Variants in OXCT1 observed in about 807,000 individuals in gnomAD.
OXCT1 encodes the protein 3-oxoacid CoA-transferase 1.
Under a neutral mutation model 69.6 loss-of-function variants are expected in OXCT1, and 27 were observed. That is an observed-to-expected ratio of 0.39 (90% CI 0.29 to 0.54). The LOEUF is 0.54. Ranked by LOEUF, OXCT1 falls within the 20% of genes least tolerant of loss-of-function variation. The pLI, the probability that OXCT1 is intolerant of heterozygous loss-of-function variation, is 0.72. For synonymous variants in OXCT1, 202 were observed against 217.8 expected (o/e 0.93, Z 0.64); for missense variants, 437 against 650.2 (o/e 0.67, Z 3.57).
intron 7 of OXCT1, among the ~76,000 whole-genome samples, chr5:41,832,171 G>A (rs1198456554): frequency 6.6e-6 from 1 of 152,206 alleles, no homozygotes; most frequent in Non-Finnish European, 1.5e-5. Flanking sequence ...GAGCCCTAGG[G>A]CCTTGAGTTA....
chr5:41,759,288 G>C (rs1020194456), intron 14 of OXCT1, among the ~76,000 whole-genome samples: 1 of 152,014 alleles, frequency 6.6e-6, no homozygotes, highest in Admixed American at 6.6e-5. Flanking sequence ...GAGGATCAAT[G>C]AGATTAAGCA....
At chr5:41,832,766 A>G (rs1457865667) in intron 7 of OXCT1, among the ~76,000 whole-genome samples, 1 of 152,192 alleles carries the variant, frequency 6.6e-6, no homozygotes, top group Non-Finnish European at 1.5e-5. Context: ...AATCCAAGAT[A>G]ACAAAGAAGG....
intron 7 of OXCT1, among the ~76,000 whole-genome samples, chr5:41,818,866 A>C (rs572266853): frequency 6.6e-6 from 1 of 152,150 alleles, no homozygotes; most frequent in East Asian, 1.9e-4. Flanking sequence ...CATGACTTTA[A>C]GATGCCTTCT....
intron 13 of OXCT1, among the ~76,000 whole-genome samples, chr5:41,786,043 G>C (rs1745624941): frequency 6.6e-6 from 1 of 152,180 alleles, no homozygotes; most frequent in South Asian, 2.1e-4. Context: ...CCATGTGAGA[G>C]AGGAACAACC....
intron 1 of OXCT1, among the ~76,000 whole-genome samples, chr5:41,865,803 T>C (rs1749936036): frequency 6.6e-6 from 1 of 152,236 alleles, no homozygotes; most frequent in Non-Finnish European, 1.5e-5. Flanking sequence ...AATGATGTTA[T>C]ATACAGAAGC....
At chr5:41,765,714 T>C (rs1744566845) in intron 13 of OXCT1, among the ~76,000 whole-genome samples, 1 of 152,170 alleles carries the variant, frequency 6.6e-6, no homozygotes, top group Admixed American at 6.5e-5. Flanking sequence ...TCTATCCAGA[T>C]GTCCAACACA....
At chr5:41,746,723 C>G (rs1743510695) in intron 15 of OXCT1, among the ~76,000 whole-genome samples, 1 of 152,036 alleles carries the variant, frequency 6.6e-6, no homozygotes, top group Non-Finnish European at 1.5e-5. Flanking sequence ...ATTGCAATAT[C>G]TGACTGGGTA....
At position 41,762,634 on chromosome 5, in the gene OXCT1, A is replaced by G. The variant is rs1329321559; in HGVS notation, c.1249-434T>C. Reference sequence around the variant, plus strand: ...TACTCTTGGATTTCCTGCAGATTAAAATTCCATTATGTAGTAGTAGGCTGA... The same window carrying G: ...TACTCTTGGATTTCCTGCAGATTAAGATTCCATTATGTAGTAGTAGGCTGA... On this transcript the variant is annotated intron_variant, in intron 13 of 16. Coordinates refer to ENST00000196371, the MANE Select transcript of OXCT1 (RefSeq NM_000436.4). This position sits in a 1 kb window ranked among gnomAD's most constrained non-coding sequence, Gnocchi z 4.0. Among the ~76,000 whole-genome samples the G allele has an allele frequency of 1.3e-5, 2 of 152,110 alleles. No homozygotes were observed. The highest frequency in any genetic ancestry group is 4.8e-5 in the African/African-American group (2 of 41,422).
At chr5:41,828,300 G>C (rs1347134110) in intron 7 of OXCT1, among the ~76,000 whole-genome samples, 7 of 150,840 alleles carry the variant, frequency 4.6e-5, no homozygotes, top group Non-Finnish European at 1.0e-4. Context: ...ATTTTTAGTA[G>C]AGATGGGGTT....
chr5:41,769,385 C>G (rs950433205), intron 13 of OXCT1, among the ~76,000 whole-genome samples: 1 of 152,080 alleles, frequency 6.6e-6, no homozygotes, highest in Non-Finnish European at 1.5e-5. Context: ...TTTCTCACAT[C>G]TGTTCTGATT....
At chr5:41,790,975 TAAGTAATAG>T (rs1745888789) in intron 13 of OXCT1, among the ~76,000 whole-genome samples, 1 of 152,220 alleles carries the variant, frequency 6.6e-6, no homozygotes, top group African/African-American at 2.4e-5. Context: ...TCTTTAATTT[TAAGTAATAG>T]AGCATTACTT....
chr5:41,826,336 G>C (rs575658992), intron 7 of OXCT1, among the ~76,000 whole-genome samples: 1 of 152,262 alleles, frequency 6.6e-6, no homozygotes, highest in African/African-American at 2.4e-5. Context: ...ACAGGGAAAG[G>C]TTACAGAGGA....
chr5:41,792,159 T>G (rs1297648109), intron 13 of OXCT1, among the ~76,000 whole-genome samples: 2 of 152,242 alleles, frequency 1.3e-5, no homozygotes, highest in African/African-American at 2.4e-5. Context: ...TCAAGCTCTG[T>G]GCTATGTACT....
intron 13 of OXCT1, among the ~76,000 whole-genome samples, chr5:41,779,098 C>A (rs1398344554): frequency 6.6e-6 from 1 of 152,142 alleles, no homozygotes; most frequent in South Asian, 2.1e-4. Flanking sequence ...AGGTCTTATA[C>A]GTGTTAGAAG....
intron 7 of OXCT1, among the ~76,000 whole-genome samples, chr5:41,812,868 C>T (rs952036190): frequency 1.3e-5 from 2 of 152,050 alleles, no homozygotes; most frequent in South Asian, 4.2e-4. Flanking sequence ...CCTGAAGATA[C>T]GATCACAGAA....
intron 3 of OXCT1, among the ~76,000 whole-genome samples, chr5:41,854,741 C>A (rs1310965191): frequency 3.3e-5 from 5 of 151,876 alleles, no homozygotes; most frequent in African/African-American, 1.2e-4. Flanking sequence ...TGATGAGACA[C>A]CACCACAAAC....
At chr5:41,819,381 G>C (rs187195856) in intron 7 of OXCT1, among the ~76,000 whole-genome samples, 2 of 151,700 alleles carry the variant, frequency 1.3e-5, no homozygotes, top group South Asian at 2.1e-4. Context: ...GGGGGATTGG[G>C]GGGGCAGGGG....
chr5:41,742,050 T>C (rs1743195151), intron 15 of OXCT1, among the ~76,000 whole-genome samples: 1 of 152,188 alleles, frequency 6.6e-6, no homozygotes, highest in Non-Finnish European at 1.5e-5. Flanking sequence ...TGGATTAAGT[T>C]ATTAAGAACA....
At chr5:41,857,923 C>T (rs1749507089) in intron 3 of OXCT1, among the ~76,000 whole-genome samples, 1 of 152,146 alleles carries the variant, frequency 6.6e-6, no homozygotes, top group Non-Finnish European at 1.5e-5. Flanking sequence ...ATCTGAAACT[C>T]CTACAGGCCC....
Sources: allele counts gnomAD v4.1 joint callset (sites outside exome capture counted in the v4.1 genomes callset), GRCh38; gene constraint gnomAD v4.1.1; non-coding constraint Gnocchi (gnomAD v3.1); transcripts MANE v1.5; gene names NCBI Gene and HGNC (gene_info 2026-07-23, HGNC 2026-07-21).